SORBS2: variants seen among roughly 807,000 people sequenced by gnomAD.
The protein encoded by SORBS2 is sorbin and SH3 domain containing 2.
SORBS2 carries 46 observed loss-of-function variants against 97.7 expected under a neutral mutation model. The ratio of observed to expected loss-of-function variants is 0.47; its 90% CI spans 0.37 to 0.60. The LOEUF (loss-of-function observed/expected upper bound fraction) is 0.60, where lower values mean the gene tolerates loss of function less well. Ranked by LOEUF, SORBS2 falls within the 20% of genes least tolerant of loss-of-function variation. SORBS2 has a pLI of 0.00. For missense variants in SORBS2, 1,316 were observed against 1,282.3 expected (o/e 1.03, Z -0.40); for synonymous variants, 476 against 473.4 (o/e 1.01, Z -0.07).
intron 4 of SORBS2, among the ~76,000 whole-genome samples, chr4:185,665,460 C>T (rs1426648396): frequency 2.6e-5 from 4 of 152,196 alleles, no homozygotes; most frequent in African/African-American, 9.7e-5. Context: ...AGGCAAATCA[C>T]TGTAGAACTT....
upstream of SORBS2, among the ~76,000 whole-genome samples, chr4:185,659,941 A>T (rs182045514): frequency 6.6e-6 from 1 of 152,350 alleles, no homozygotes; most frequent in Non-Finnish European, 1.5e-5. Flanking sequence ...CTTATGCAAT[A>T]TAAGTTAACC....
intron 14 of SORBS2, 25 bp downstream of exon 26, chr4:185,589,654 G>A (rs761943455): frequency 2.9e-6 from 4 of 1,374,048 alleles, no homozygotes; most frequent in Non-Finnish European, 4.2e-6. Flanking sequence ...ATAGCCGAAG[G>A]TGCCTGAGGA....
chr4:185,948,041 T>C (rs1308958403), intron 1 of SORBS2, among the ~76,000 whole-genome samples: 1 of 152,196 alleles, frequency 6.6e-6, no homozygotes, highest in Non-Finnish European at 1.5e-5. Context: ...TTTTTTAATG[T>C]ATTTTTGTTG....
chr4:185,630,497 A>G (rs1386328134), intron 5 of SORBS2, 52 bp downstream of exon 17: 68 of 1,185,610 alleles, frequency 5.7e-5, no homozygotes. Context: ...TTATTGTTGA[A>G]AAAGAAACCA....
At chr4:185,914,299 C>T (rs1276925368) in intron 1 of SORBS2, among the ~76,000 whole-genome samples, 16 of 152,176 alleles carry the variant, frequency 1.1e-4, no homozygotes, top group Admixed American at 9.2e-4. Context: ...CCCCACTAAT[C>T]GTGTATACTT....
rs867524599 is a variant in SORBS2, at chr4:185,933,750, T to C, written c.-338+22446A>G. On this transcript the variant is annotated intron_variant, in intron 1 of 20. Coordinates refer to the SORBS2 transcript ENST00000284776. ...CCTAATCTGTTAATTTACCAGCCACTCATTTCCCAAAAAAAGTCACATACG... is the reference window on the plus strand; with the variant it reads ...CCTAATCTGTTAATTTACCAGCCACCCATTTCCCAAAAAAAGTCACATACG... 1.9e-4 allele frequency among the ~76,000 whole-genome samples: 29 copies of C among 152,188 alleles called. No homozygotes were observed. In the Middle Eastern group the frequency reaches 0.01, roughly 54 times the overall value.
intron 1 of SORBS2, among the ~76,000 whole-genome samples, chr4:185,835,413 G>A (rs917336313): frequency 6.6e-6 from 1 of 152,116 alleles, no homozygotes; most frequent in Admixed American, 6.5e-5. Flanking sequence ...AAATTTTATT[G>A]TCTTGTTTAG....
chr4:185,721,562 C>T (rs891119290), intron 2 of SORBS2, among the ~76,000 whole-genome samples: 41 of 152,242 alleles, frequency 2.7e-4, no homozygotes, highest in African/African-American at 8.9e-4. Context: ...CCCTCCTTTT[C>T]GTCACATTCA....
chr4:185,749,760 C>T (rs565890558), intron 2 of SORBS2, among the ~76,000 whole-genome samples: 24 of 152,326 alleles, frequency 1.6e-4, no homozygotes, highest in African/African-American at 5.8e-4. Context: ...GTTTCAGTTG[C>T]TCATTTAGAG....
At chr4:185,694,322 A>G (rs532728329) in intron 2 of SORBS2, among the ~76,000 whole-genome samples, 3 of 152,336 alleles carry the variant, frequency 2.0e-5, no homozygotes, top group African/African-American at 7.2e-5. Context: ...CATCTCAAGT[A>G]TTCTCTTAAC....
chr4:185,739,349 T>C (rs1042035634), intron 2 of SORBS2, among the ~76,000 whole-genome samples: 1 of 152,202 alleles, frequency 6.6e-6, no homozygotes, highest in Non-Finnish European at 1.5e-5. Flanking sequence ...GAGAAATGAA[T>C]TGTAGGGCAT....
chr4:185,877,883 A>AAAAAAAAAAAAAAAAAAAAAAG (rs1344109012), intron 1 of SORBS2, among the ~76,000 whole-genome samples: 4 of 145,180 alleles, frequency 2.8e-5, no homozygotes, highest in Admixed American at 6.8e-5. Context: ...ACAAAAAAAA[A>AAAAAAAAAAAAAAAAAAAAAAG]AAAGAAAGAA....
chr4:185,588,547 T>G (rs997749769), intron 14 of SORBS2, among the ~76,000 whole-genome samples: 1 of 149,688 alleles, frequency 6.7e-6, no homozygotes, highest in Non-Finnish European at 1.5e-5. Flanking sequence ...GTTTGATGGC[T>G]GTTTTTCTTT....
chr4:185,895,509 G>A (rs748615315), intron 1 of SORBS2, among the ~76,000 whole-genome samples: 12 of 152,212 alleles, frequency 7.9e-5, no homozygotes, highest in South Asian at 6.2e-4. Context: ...CAGATGCAGC[G>A]GTCATGGCGC....
At chr4:185,593,152 A>G (rs1046591596) in intron 13 of SORBS2, 3 of 152,502 alleles carry the variant, frequency 2.0e-5, no homozygotes, top group Non-Finnish European at 2.9e-5. Flanking sequence ...GGTTAGGTCC[A>G]TGAATAAGCC....
At chr4:185,663,634 T>C (rs976736900) in intron 4 of SORBS2, among the ~76,000 whole-genome samples, 6 of 152,128 alleles carry the variant, frequency 3.9e-5, no homozygotes, top group African/African-American at 1.4e-4. Flanking sequence ...TTTCACCTCC[T>C]TGCCCAAGTT....
At chr4:185,780,212 T>C (rs906831495) in intron 1 of SORBS2, among the ~76,000 whole-genome samples, 2 of 151,908 alleles carry the variant, frequency 1.3e-5, no homozygotes, top group African/African-American at 4.8e-5. Context: ...ATGGGGTTTT[T>C]CCATGTTGGT....
chr4:185,735,707 T>C, intron 2 of SORBS2, among the ~76,000 whole-genome samples: 1 of 152,068 alleles, frequency 6.6e-6, no homozygotes, highest in East Asian at 1.9e-4. Context: ...TGTGTGTGTG[T>C]ATGTGTGTGT....
chr4:185,818,098 C>T (rs945615919), intron 1 of SORBS2, among the ~76,000 whole-genome samples: 4 of 152,214 alleles, frequency 2.6e-5, no homozygotes, highest in South Asian at 2.1e-4. Flanking sequence ...ATAAACTATG[C>T]GTGCTTGCAG....
Sources: gnomAD v4.1 joint callset for allele counts (sites outside exome capture counted in the v4.1 genomes callset) on GRCh38, gnomAD v4.1.1 for gene constraint, MANE v1.5 for transcripts, NCBI Gene and HGNC (gene_info 2026-07-23, HGNC 2026-07-21) for gene names.